EYS: variants seen among roughly 807,000 people sequenced by gnomAD.
EYS encodes EGF-like photoreceptor maintenance factor, also known as protein eyes shut homolog.
A neutral mutation model predicts 282.1 loss-of-function variants in EYS; 250 were observed. That is an observed-to-expected ratio of 0.89 (90% CI 0.80 to 0.98). The LOEUF (loss-of-function observed/expected upper bound fraction) is 0.98, where lower values mean the gene tolerates loss of function less well. EYS is among the 50% of genes least tolerant of loss of function. EYS has a pLI of 0.00. For missense variants in EYS, 4,016 were observed against 3,709.0 expected (o/e 1.08, Z -2.15); for synonymous variants, 1,355 against 1,282.9 (o/e 1.06, Z -1.20).
At chr6:64,242,150 A>T (rs1458693715) in intron 30 of EYS, among the ~76,000 whole-genome samples, 2 of 151,970 alleles carry the variant, frequency 1.3e-5, no homozygotes, top group South Asian at 4.2e-4. Context: ...GTTGACTTGG[A>T]GTGGAGAGTT....
chr6:65,013,114 C>A (rs1390327801), intron 13 of EYS, among the ~76,000 whole-genome samples: 1 of 152,140 alleles, frequency 6.6e-6, no homozygotes, highest in Non-Finnish European at 1.5e-5. Context: ...AGTTCCCATG[C>A]ATACCCTTTC....
rs547549494 is a variant in EYS, at chr6:64,338,550, A to G, written c.6079-31468T>C. ...GAGTAGAATCAATATTTGGAAAATGACCATACTGCTAAAGGCAATCTACAA... is the reference window on the plus strand; with the variant it reads ...GAGTAGAATCAATATTTGGAAAATGGCCATACTGCTAAAGGCAATCTACAA... On this transcript the variant is annotated intron_variant, in intron 29 of 42. Transcript: ENST00000503581. Among the ~76,000 whole-genome samples, 29 of 152,124 alleles carry G rather than the reference A, an allele frequency of 1.9e-4. No homozygotes were observed. The South Asian group carries it at 6.0e-3, about 32-fold the overall frequency.
chr6:64,056,211 A>G (rs1770978512), intron 33 of EYS, among the ~76,000 whole-genome samples: 1 of 152,180 alleles, frequency 6.6e-6, no homozygotes, highest in South Asian at 2.1e-4. Flanking sequence ...GCAAATCTCC[A>G]TGGCACAGAC....
At chr6:65,507,328 C>A (rs965333360) in intron 2 of EYS, among the ~76,000 whole-genome samples, 15 of 151,924 alleles carry the variant, frequency 9.9e-5, no homozygotes, top group Admixed American at 9.8e-4. Flanking sequence ...TTTTTTTAAT[C>A]CCTCTGGCTT....
At chr6:64,654,081 T>C (rs1214145178) in intron 22 of EYS, among the ~76,000 whole-genome samples, 5 of 152,200 alleles carry the variant, frequency 3.3e-5, no homozygotes, top group Admixed American at 1.3e-4. Context: ...TACCTTAAGA[T>C]GTTTTATAGT....
intron 14 of EYS, among the ~76,000 whole-genome samples, chr6:64,957,443 G>T (rs1265588402): frequency 6.6e-6 from 1 of 151,958 alleles, no homozygotes; most frequent in African/African-American, 2.4e-5. Flanking sequence ...GGTAGTGGAT[G>T]GTTTGGGAGA....
chr6:63,931,871 T>C (rs1305390322), intron 35 of EYS, among the ~76,000 whole-genome samples: 1 of 152,214 alleles, frequency 6.6e-6, no homozygotes, highest in Non-Finnish European at 1.5e-5. Flanking sequence ...CTAGAACTTA[T>C]TCTTTCTATC....
At chr6:64,555,401 T>G (rs1206940611) in intron 26 of EYS, among the ~76,000 whole-genome samples, 1 of 151,834 alleles carries the variant, frequency 6.6e-6, no homozygotes, top group Non-Finnish European at 1.5e-5. Flanking sequence ...CCAAATTTAA[T>G]TCATGTAGAA....
intron 26 of EYS, among the ~76,000 whole-genome samples, chr6:64,469,774 G>A (rs1776051510): frequency 6.6e-6 from 1 of 151,962 alleles, no homozygotes; most frequent in Admixed American, 6.6e-5. Flanking sequence ...CCTGACATTA[G>A]TCAGGCCCAC....
intron 13 of EYS, among the ~76,000 whole-genome samples, chr6:65,030,479 G>T (rs1369945843): frequency 6.6e-6 from 1 of 152,094 alleles, no homozygotes; most frequent in Non-Finnish European, 1.5e-5. Flanking sequence ...CACCTGTGTA[G>T]GCAGAACTCA....
chr6:64,823,212 T>C (rs1403348832), intron 19 of EYS, among the ~76,000 whole-genome samples: 1 of 151,894 alleles, frequency 6.6e-6, no homozygotes, highest in Non-Finnish European at 1.5e-5. Flanking sequence ...GTTTGAAGTT[T>C]TCTAAATTTG....
chr6:64,778,190 T>G (rs948145082), intron 22 of EYS, among the ~76,000 whole-genome samples: 1 of 152,166 alleles, frequency 6.6e-6, no homozygotes, highest in Non-Finnish European at 1.5e-5. Context: ...TTTCTTGCCT[T>G]GACTGGTAAT....
intron 31 of EYS, among the ~76,000 whole-genome samples, chr6:64,183,042 G>A (rs184342841): frequency 2.0e-5 from 3 of 152,094 alleles, no homozygotes; most frequent in African/African-American, 7.2e-5. Context: ...AATCATGGGG[G>A]TGGTTTCCCC....
At chr6:64,811,605 C>T (rs910855588) in intron 22 of EYS, among the ~76,000 whole-genome samples, 2 of 152,076 alleles carry the variant, frequency 1.3e-5, no homozygotes, top group African/African-American at 4.8e-5. Context: ...TAAAGTCTTT[C>T]TCATGAGACG....
chr6:65,249,740 C>T (rs1344081985), intron 12 of EYS, among the ~76,000 whole-genome samples: 1 of 151,942 alleles, frequency 6.6e-6, no homozygotes, highest in Non-Finnish European at 1.5e-5. Flanking sequence ...CTGCTTCTGT[C>T]ATAATATAGA....
chr6:64,455,971 T>C (rs1175020214), intron 26 of EYS, among the ~76,000 whole-genome samples: 1 of 152,182 alleles, frequency 6.6e-6, no homozygotes, highest in Non-Finnish European at 1.5e-5. Flanking sequence ...ATATCAACTG[T>C]TCTGATGGTA....
At chr6:65,583,333 G>T (rs1421163731) in intron 2 of EYS, among the ~76,000 whole-genome samples, 4 of 151,810 alleles carry the variant, frequency 2.6e-5, no homozygotes, top group African/African-American at 9.7e-5. Context: ...ATAGTTTAAT[G>T]GTATATTTAT....
intron 8 of EYS, among the ~76,000 whole-genome samples, chr6:65,369,340 A>ATATAATATATATATATTTATATATATG (rs1765049593): frequency 6.9e-6 from 1 of 144,638 alleles, no homozygotes; most frequent in East Asian, 2.0e-4. Flanking sequence ...TTATATATAT[A>ATATAATATATATATATTTATATATATG]TATATCTCAT....
intron 31 of EYS, among the ~76,000 whole-genome samples, chr6:64,088,466 T>C (rs1191438816): frequency 1.3e-5 from 2 of 151,946 alleles, no homozygotes; most frequent in Non-Finnish European, 2.9e-5. Flanking sequence ...TTTGATATGA[T>C]TCACAAAATA....
Sources: gnomAD v4.1 joint callset for allele counts (sites outside exome capture counted in the v4.1 genomes callset) on GRCh38, gnomAD v4.1.1 for gene constraint, MANE v1.5 for transcripts, NCBI Gene and HGNC (gene_info 2026-07-23, HGNC 2026-07-21) for gene names.